HDAC4: variants seen among roughly 807,000 people sequenced by gnomAD.
The protein encoded by HDAC4 is histone deacetylase 4.
In HDAC4, 16 loss-of-function variants were observed where a neutral mutation model predicts 135.1. The observed-to-expected ratio is 0.12, with a 90% CI of 0.08 to 0.18. The LOEUF (loss-of-function observed/expected upper bound fraction) is 0.18, where lower values mean the gene tolerates loss of function less well. Among genes scored for constraint, HDAC4 ranks in the 10% least tolerant of loss-of-function variants. The pLI, the probability that HDAC4 is intolerant of heterozygous loss-of-function variation, is 1.00. For synonymous variants in HDAC4, 685 were observed against 653.4 expected (o/e 1.05, Z -0.74); for missense variants, 1,143 against 1,511.8 (o/e 0.76, Z 4.05).
chr2:239,380,236 C>T (rs963792610), intron 1 of HDAC4, among the ~76,000 whole-genome samples: 2 of 152,180 alleles, frequency 1.3e-5, no homozygotes, highest in South Asian at 4.1e-4. Context: ...TGCAATGGCC[C>T]GCGTCTTTGG....
chr2:239,350,953 TA>T (rs1024850468), intron 2 of HDAC4, among the ~76,000 whole-genome samples: 2 of 152,308 alleles, frequency 1.3e-5, no homozygotes, highest in African/African-American at 4.8e-5. Context: ...GCACCCCCAT[TA>T]AAATAATCAA....
chr2:239,058,704 A>G (rs1477658627), intron 24 of HDAC4, among the ~76,000 whole-genome samples: 2 of 152,258 alleles, frequency 1.3e-5, no homozygotes, highest in Non-Finnish European at 2.9e-5. Context: ...TATTTAGTAA[A>G]GCAGCTTTAA....
intron 2 of HDAC4, among the ~76,000 whole-genome samples, chr2:239,281,710 CCCA>C (rs764524445): frequency 4.4e-5 from 6 of 135,304 alleles, no homozygotes; most frequent in Non-Finnish European, 7.9e-5. Context: ...CAGTGTACAC[CCCA>C]CTCTACAATG....
chr2:239,377,140 G>A (rs1005599927), intron 1 of HDAC4, among the ~76,000 whole-genome samples: 7 of 152,106 alleles, frequency 4.6e-5, no homozygotes, highest in Non-Finnish European at 8.8e-5. Flanking sequence ...GGTGGGCTGC[G>A]CTCCTCTATG....
At chr2:239,368,883 T>C (rs1694406848) in intron 1 of HDAC4, among the ~76,000 whole-genome samples, 3 of 152,188 alleles carry the variant, frequency 2.0e-5, no homozygotes, top group Admixed American at 6.5e-5. Flanking sequence ...GATGTCGGCA[T>C]CGACAGCTGA....
chr2:239,232,460 G>T (rs1207353961), intron 3 of HDAC4, among the ~76,000 whole-genome samples: 1 of 152,178 alleles, frequency 6.6e-6, no homozygotes, highest in African/African-American at 2.4e-5. Flanking sequence ...AGAACCGGGG[G>T]TCACGAGCTC....
chr2:239,273,794 A>T (rs749932007), intron 2 of HDAC4, among the ~76,000 whole-genome samples: 5 of 152,342 alleles, frequency 3.3e-5, no homozygotes, highest in African/African-American at 1.2e-4. Context: ...AGCAAGAGGG[A>T]GGAAACGGCT....
intron 3 of HDAC4, among the ~76,000 whole-genome samples, chr2:239,208,347 A>T (rs2046181009): frequency 6.6e-6 from 1 of 151,010 alleles, no homozygotes; most frequent in East Asian, 1.9e-4. Context: ...AAAAAAAAAA[A>T]AAAAGAAAAC....
intron 1 of HDAC4, among the ~76,000 whole-genome samples, chr2:239,387,094 GA>G (rs535118964): frequency 1.8e-4 from 28 of 152,360 alleles, no homozygotes; most frequent in Non-Finnish European, 1.6e-4. Context: ...GTGTGGGTGG[GA>G]ATGCTTGCTG....
At chr2:239,184,962 A>G (rs2044441113) in intron 4 of HDAC4, among the ~76,000 whole-genome samples, 1 of 108,808 alleles carries the variant, frequency 9.2e-6, no homozygotes, top group Non-Finnish European at 1.8e-5. Flanking sequence ...GATGTGTCCT[A>G]TGGGGGGGGT....
intron 2 of HDAC4, among the ~76,000 whole-genome samples, chr2:239,248,925 A>G (rs1007525422): frequency 4.6e-5 from 7 of 152,220 alleles, no homozygotes; most frequent in African/African-American, 1.7e-4. Flanking sequence ...GATGGCCACA[A>G]TTTTGGGGAC....
intron 3 of HDAC4, among the ~76,000 whole-genome samples, chr2:239,213,014 T>G (rs1053192727): frequency 1.3e-5 from 2 of 152,240 alleles, no homozygotes; most frequent in African/African-American, 4.8e-5. Context: ...TCTGTTGACT[T>G]GTTCACTTCT....
chr2:239,330,436 C>A (rs778303180), intron 2 of HDAC4, among the ~76,000 whole-genome samples: 1 of 152,242 alleles, frequency 6.6e-6, no homozygotes, highest in East Asian at 1.9e-4. Context: ...TGCAAGAGGG[C>A]GACAGGAAGG....
rs1195107525 is a variant in HDAC4 at position 239,307,709 on chromosome 2, A to T, written c.22+44969T>A. 2.0e-5 allele frequency among the ~76,000 whole-genome samples: 3 copies of T among 152,180 alleles called. No individual in the cohort carries two copies. Among genetic ancestry groups the T allele is most frequent in the African/African-American group, 7.2e-5 (3 of 41,432 alleles). ...ACGTTCTCATGACCGCACTTGGTCTAAGCAAATGCTGCTGGGATGATTTTC... is the reference window on the plus strand; with the variant it reads ...ACGTTCTCATGACCGCACTTGGTCTTAGCAAATGCTGCTGGGATGATTTTC... On this transcript the variant is annotated intron_variant, in intron 2 of 26. Coordinates refer to ENST00000543185, the MANE Select transcript of HDAC4 (RefSeq NM_001378414.1). This position sits in a 1 kb window ranked among gnomAD's most constrained non-coding sequence, Gnocchi z 4.8.
intron 23 of HDAC4, among the ~76,000 whole-genome samples, chr2:239,067,453 G>A (rs901389666): frequency 7.9e-5 from 12 of 152,216 alleles, no homozygotes; most frequent in Admixed American, 4.6e-4. Flanking sequence ...TAGTGGCCCC[G>A]ATCATGGGCT....
intron 2 of HDAC4, among the ~76,000 whole-genome samples, chr2:239,341,513 C>T (rs1373828451): frequency 6.6e-6 from 1 of 152,142 alleles, no homozygotes; most frequent in African/African-American, 2.4e-5. Flanking sequence ...ACGGCCTTAC[C>T]CTAGATGTGA....
intron 1 of HDAC4, among the ~76,000 whole-genome samples, chr2:239,378,789 G>C (rs757632731): frequency 2.0e-5 from 3 of 152,206 alleles, no homozygotes; most frequent in Non-Finnish European, 4.4e-5. Context: ...TTGTTCACTT[G>C]AGGGATCCAT....
rs927746649 is a variant in HDAC4 at position 239,107,924 on chromosome 2, T to C, written c.2112+126A>G. 4.6e-5 allele frequency: 55 copies of C among 1,203,564 alleles called. No homozygotes were observed. In the African/African-American group the frequency reaches 7.9e-4, roughly 17 times the overall value. 74.6% of individuals were successfully genotyped at this position (1,203,564 alleles called of 1,614,324 possible). A position where few individuals can be genotyped will look rare whatever the true frequency, so the allele number is the denominator to read the frequency against. On this transcript the variant is annotated intron_variant, in intron 15 of 26. Transcript: ENST00000543185. ...CAGACAGTGAAGATGCTTGTGGCCCTTCCCCCGGGGCTGTAAGCCCAAAGA... is the reference window on the plus strand; with the variant it reads ...CAGACAGTGAAGATGCTTGTGGCCCCTCCCCCGGGGCTGTAAGCCCAAAGA...
At chr2:239,089,661 C>A in intron 18 of HDAC4, 1 of 196,066 alleles carries the variant, frequency 5.1e-6, no homozygotes, top group Non-Finnish European at 1.0e-5. Flanking sequence ...TTGAAAATTT[C>A]TCAGTTGTAA....
Sources: gnomAD v4.1 joint callset for allele counts (sites outside exome capture counted in the v4.1 genomes callset) on GRCh38, gnomAD v4.1.1 for gene constraint, Gnocchi (gnomAD v3.1) non-coding constraint, MANE v1.5 for transcripts, NCBI Gene and HGNC (gene_info 2026-07-23, HGNC 2026-07-21) for gene names.